Variants in MFHAS1 observed in about 807,000 individuals in gnomAD.
The protein encoded by MFHAS1 is multifunctional ROCO family signaling regulator 1.
Under a neutral mutation model 70.4 loss-of-function variants are expected in MFHAS1, and 50 were observed. That is an observed-to-expected ratio of 0.71 (90% CI 0.57 to 0.90). The LOEUF (loss-of-function observed/expected upper bound fraction) is 0.90, where lower values mean the gene tolerates loss of function less well. MFHAS1 is among the 40% of genes least tolerant of loss of function. MFHAS1 has a pLI of 0.00. For missense variants in MFHAS1, 1,795 were observed against 1,347.6 expected (o/e 1.33, Z -5.20); for synonymous variants, 952 against 620.0 (o/e 1.54, Z -7.96).
chr8:8,841,390 G>A (rs1807817428), intron 1 of MFHAS1, among the ~76,000 whole-genome samples: 2 of 151,806 alleles, frequency 1.3e-5, no homozygotes, highest in Non-Finnish European at 2.9e-5. Flanking sequence ...CAGGAGAATC[G>A]CTTGAACCCA....
intron 1 of MFHAS1, among the ~76,000 whole-genome samples, chr8:8,854,538 A>G (rs552121727): frequency 2.0e-5 from 3 of 149,554 alleles, no homozygotes; most frequent in South Asian, 4.2e-4. Context: ...AAAAAAAATT[A>G]GCCAGGTGAG....
intron 1 of MFHAS1, among the ~76,000 whole-genome samples, chr8:8,876,260 T>G (rs889073591): frequency 6.6e-6 from 1 of 152,168 alleles, no homozygotes; most frequent in African/African-American, 2.4e-5. Context: ...ATGCTTCAAT[T>G]TGAAAACTAC....
At chr8:8,841,603 C>G (rs529935899) in intron 1 of MFHAS1, among the ~76,000 whole-genome samples, 2 of 152,092 alleles carry the variant, frequency 1.3e-5, no homozygotes, top group Non-Finnish European at 2.9e-5. Flanking sequence ...GTCAGACAGT[C>G]GAGTGGAGGA....
chr8:8,829,599 T>C (rs550646435), intron 1 of MFHAS1, among the ~76,000 whole-genome samples: 2 of 152,296 alleles, frequency 1.3e-5, no homozygotes, highest in African/African-American at 4.8e-5. Context: ...GAGAATCGCT[T>C]GAACCCAGTA....
intron 1 of MFHAS1, among the ~76,000 whole-genome samples, chr8:8,882,543 C>T (rs899149868): frequency 6.6e-6 from 1 of 152,132 alleles, no homozygotes; most frequent in Non-Finnish European, 1.5e-5. Context: ...ACCCGGGAAG[C>T]AGACGTTGCA....
intron 2 of MFHAS1, among the ~76,000 whole-genome samples, chr8:8,788,791 G>A (rs10093872): frequency 0.1 from 15,721 of 152,304 alleles, 997 homozygotes; most frequent in Non-Finnish European, 0.15. Flanking sequence ...TGGCCTCAGC[G>A]ACCAATGGGC....
intron 1 of MFHAS1, 115 bp downstream of exon 1, chr8:8,889,946 G>T: frequency 1.2e-6 from 1 of 857,256 alleles, no homozygotes; most frequent in Non-Finnish European, 1.8e-6. Flanking sequence ...CCCTTACGAA[G>T]CTTTCCTGGA....
At chr8:8,802,376 G>A (rs1045893260) in intron 1 of MFHAS1, among the ~76,000 whole-genome samples, 1 of 152,166 alleles carries the variant, frequency 6.6e-6, no homozygotes, top group East Asian at 1.9e-4. Flanking sequence ...CACTGTATCT[G>A]GCACCTAGTA....
chr8:8,881,829 A>G (rs980209130), intron 1 of MFHAS1, among the ~76,000 whole-genome samples: 1 of 151,734 alleles, frequency 6.6e-6, no homozygotes, highest in African/African-American at 2.4e-5. Flanking sequence ...AAAAAAAAAA[A>G]AAAAAGAAAG....
Position 8,892,150 on chromosome 8 carries a change from A to C in MFHAS1, c.909T>G (p.Leu303=). The change falls in exon 1 of 3, where the codon CTT becomes CTG. Residue 303 remains leucine (L), a synonymous_variant. Coordinates refer to ENST00000276282, the MANE Select transcript of MFHAS1 (RefSeq NM_004225.3). The surrounding 1 kb of genome is among the most constrained non-coding windows in gnomAD (Gnocchi z 4.7). ...GCACCGAGGTGAGCTGGTTGCGACT[A>C]AGGTAGAGCTCCTCCAGACCAGCCA... The part of the protein sequence containing the change: ...LPLAGLEELY[L]SRNQLTSVPS... The C allele has an allele frequency of 6.2e-7, 1 of 1,611,262 alleles. No individual in the cohort carries two copies. The highest frequency in any genetic ancestry group is 1.3e-5 in the African/African-American group (1 of 74,978).
intron 2 of MFHAS1, among the ~76,000 whole-genome samples, chr8:8,790,170 T>A (rs1805675837): frequency 6.6e-6 from 1 of 152,310 alleles, no homozygotes; most frequent in Non-Finnish European, 1.5e-5. Context: ...AATTCCCATA[T>A]GCAACTTGAT....
At chr8:8,865,177 C>T (rs1432200766) in intron 1 of MFHAS1, among the ~76,000 whole-genome samples, 6 of 147,370 alleles carry the variant, frequency 4.1e-5, no homozygotes, top group African/African-American at 1.5e-4. Flanking sequence ...CTCAGGAGGC[C>T]GAGGCAGGAG....
chr8:8,874,307 T>C (rs1809204315), intron 1 of MFHAS1, among the ~76,000 whole-genome samples: 1 of 151,062 alleles, frequency 6.6e-6, no homozygotes, highest in Non-Finnish European at 1.5e-5. Flanking sequence ...CTATGCTATA[T>C]TTGTAGGATA....
At chr8:8,798,942 G>A (rs950388878) in intron 1 of MFHAS1, among the ~76,000 whole-genome samples, 2 of 152,070 alleles carry the variant, frequency 1.3e-5, no homozygotes, top group Non-Finnish European at 2.9e-5. Context: ...CAGCTACCCA[G>A]GAGGCTGAGG....
chr8:8,806,576 A>G (rs1051256303), intron 1 of MFHAS1, among the ~76,000 whole-genome samples: 16 of 152,330 alleles, frequency 1.1e-4, no homozygotes, highest in African/African-American at 3.8e-4. Context: ...TCAGTCCCAG[A>G]TTAACCCTGA....
intron 1 of MFHAS1, among the ~76,000 whole-genome samples, chr8:8,817,910 G>A (rs1705458361): frequency 6.6e-6 from 1 of 152,158 alleles, no homozygotes; most frequent in African/African-American, 2.4e-5. Context: ...TATAAACACA[G>A]ATGAAACTGC....
intron 1 of MFHAS1, among the ~76,000 whole-genome samples, chr8:8,818,907 T>C (rs1281597169): frequency 6.6e-6 from 1 of 152,226 alleles, no homozygotes; most frequent in Non-Finnish European, 1.5e-5. Context: ...GAAGGAAGTG[T>C]ATTATTTGTA....
chr8:8,791,722 G>T (rs10105690), intron 2 of MFHAS1, among the ~76,000 whole-genome samples: 43,853 of 152,012 alleles, frequency 0.29, 6,918 homozygotes, highest in African/African-American at 0.39. Context: ...GGGAAGTATA[G>T]GTTTGCCCTA....
At chr8:8,846,623 TC>T (rs1361995846) in intron 1 of MFHAS1, among the ~76,000 whole-genome samples, 2 of 151,716 alleles carry the variant, frequency 1.3e-5, no homozygotes, top group Non-Finnish European at 2.9e-5. Context: ...TTCTCCTTCT[TC>T]CCCTGCTTGC....
Sources: allele counts gnomAD v4.1 joint callset (sites outside exome capture counted in the v4.1 genomes callset), GRCh38; gene constraint gnomAD v4.1.1; non-coding constraint Gnocchi (gnomAD v3.1); transcripts MANE v1.5; gene names NCBI Gene and HGNC (gene_info 2026-07-23, HGNC 2026-07-21).